Variants in HECW2 observed in about 807,000 individuals in gnomAD.
HECW2 encodes the protein HECT, C2 and WW domain containing E3 ubiquitin protein ligase 2, also known as E3 ubiquitin-protein ligase HECW2.
A neutral mutation model predicts 175.2 loss-of-function variants in HECW2; 61 were observed. That is an observed-to-expected ratio of 0.35 (90% CI 0.28 to 0.43). The LOEUF (loss-of-function observed/expected upper bound fraction) is 0.43, where lower values mean the gene tolerates loss of function less well. Among genes scored for constraint, HECW2 ranks in the 20% least tolerant of loss-of-function variants. The pLI is 1.00. For synonymous variants in HECW2, 671 were observed against 731.0 expected (o/e 0.92, Z 1.32); for missense variants, 1,524 against 2,000.5 (o/e 0.76, Z 4.54).
chr2:196,419,857 T>C (rs1695361824), intron 2 of HECW2, among the ~76,000 whole-genome samples: 2 of 152,150 alleles, frequency 1.3e-5, no homozygotes, highest in South Asian at 4.1e-4. Context: ...TACTGTCCCG[T>C]ACCCCCACTC....
chr2:196,394,767 A>T (rs534163084), intron 2 of HECW2, among the ~76,000 whole-genome samples: 7 of 152,232 alleles, frequency 4.6e-5, no homozygotes, highest in Non-Finnish European at 1.0e-4. Flanking sequence ...TCTTTTGAAC[A>T]AATAGTGCTG....
At chr2:196,529,133 A>G (rs771987581) in intron 1 of HECW2, among the ~76,000 whole-genome samples, 1 of 152,222 alleles carries the variant, frequency 6.6e-6, no homozygotes, top group Non-Finnish European at 1.5e-5. Flanking sequence ...ATTTAAGACA[A>G]AAGAATGTTC....
intron 10 of HECW2, among the ~76,000 whole-genome samples, chr2:196,315,614 A>T (rs1350119422): frequency 3.9e-5 from 6 of 152,184 alleles, no homozygotes; most frequent in African/African-American, 1.4e-4. Flanking sequence ...TACTTTTGCA[A>T]ATACATCAAC....
At chr2:196,312,745 T>C (rs1261017531) in intron 10 of HECW2, among the ~76,000 whole-genome samples, 1 of 152,240 alleles carries the variant, frequency 6.6e-6, no homozygotes, top group Non-Finnish European at 1.5e-5. Flanking sequence ...AGTCAAGTAG[T>C]TGCATATTTG....
chr2:196,229,596 CTT>C (rs1687975915), intron 21 of HECW2, among the ~76,000 whole-genome samples: 1 of 152,170 alleles, frequency 6.6e-6, no homozygotes, highest in African/African-American at 2.4e-5. Context: ...AGGAGCATCT[CTT>C]GAGCCCAAGA....
intron 1 of HECW2, among the ~76,000 whole-genome samples, chr2:196,511,975 G>T (rs1687966810): frequency 6.6e-6 from 1 of 152,204 alleles, no homozygotes; most frequent in African/African-American, 2.4e-5. Flanking sequence ...CCTCACTGAG[G>T]TCTGCTCACT....
At chr2:196,445,715 T>C (rs772575030) in intron 1 of HECW2, among the ~76,000 whole-genome samples, 2 of 152,218 alleles carry the variant, frequency 1.3e-5, no homozygotes, top group East Asian at 1.9e-4. Context: ...TAAAGAAAAG[T>C]CTAATGAGAA....
At chr2:196,345,449 G>A (rs958109931) in intron 2 of HECW2, among the ~76,000 whole-genome samples, 1 of 152,188 alleles carries the variant, frequency 6.6e-6, no homozygotes, top group Non-Finnish European at 1.5e-5. Flanking sequence ...AGTCTACTAG[G>A]TGGAACCCTA....
At chr2:196,591,657 A>T (rs939390095) in intron 1 of HECW2, among the ~76,000 whole-genome samples, 2 of 151,786 alleles carry the variant, frequency 1.3e-5, no homozygotes, top group Non-Finnish European at 2.9e-5. Flanking sequence ...CCCCACCTCT[A>T]ATAGTGAAGT....
chr2:196,547,722 C>T (rs1327160047), intron 1 of HECW2, among the ~76,000 whole-genome samples: 5 of 152,220 alleles, frequency 3.3e-5, no homozygotes, highest in Non-Finnish European at 7.3e-5. Context: ...AGGGCTTCCA[C>T]TTCTACTTCC....
intron 9 of HECW2, 106 bp downstream of exon 9, chr2:196,318,446 G>T: frequency 7.8e-7 from 1 of 1,275,712 alleles, no homozygotes; most frequent in Non-Finnish European, 1.0e-6. Flanking sequence ...GAGGAATTCA[G>T]GTCATATGTA....
intron 2 of HECW2, among the ~76,000 whole-genome samples, chr2:196,384,754 C>T (rs943053365): frequency 9.2e-5 from 14 of 152,124 alleles, no homozygotes; most frequent in Admixed American, 2.6e-4. Flanking sequence ...AAAACAGAAA[C>T]ACTAGGCTGC....
At chr2:196,299,602 T>C (rs1690955754) in intron 13 of HECW2, among the ~76,000 whole-genome samples, 1 of 152,098 alleles carries the variant, frequency 6.6e-6, no homozygotes, top group Admixed American at 6.6e-5. Flanking sequence ...ACCAAGAATA[T>C]GCATTTTATT....
intron 1 of HECW2, among the ~76,000 whole-genome samples, chr2:196,499,908 T>C (rs1481566039): frequency 1.3e-5 from 2 of 152,200 alleles, no homozygotes; most frequent in African/African-American, 2.4e-5. Context: ...GATTATGCTG[T>C]ATGACCTTTC....
At chr2:196,292,022 T>C (rs1224865882) in intron 14 of HECW2, 1 of 152,436 alleles carries the variant, frequency 6.6e-6, no homozygotes, top group East Asian at 1.9e-4. Flanking sequence ...TGGCCTGTGT[T>C]GCACAGTTAC....
chr2:196,433,256 C>T lies in HECW2; in HGVS notation c.168G>A (p.Glu56=), dbSNP rs2272405. 5,298 of 1,614,184 alleles carry T rather than the reference C, an allele frequency of 3.3e-3. 241 individuals are homozygous for T. In the East Asian group the frequency reaches 0.098, roughly 30 times the overall value. ...ANSDTDLVTS[E]SRSSLTASMY... Reference sequence around the variant, plus strand: ...TGCTGGCAGTTAAGCTGGAGCGGCTCTCAGAAGTCACCAGGTCGGTGTCGC... The same window carrying T: ...TGCTGGCAGTTAAGCTGGAGCGGCTTTCAGAAGTCACCAGGTCGGTGTCGC... The change falls in exon 2 of 29, where the codon GAG becomes GAA. Residue 56 remains glutamate, a synonymous_variant. Coordinates refer to ENST00000644978, the MANE Select transcript of HECW2 (RefSeq NM_001348768.2).
Position 196,243,798 on chromosome 2 carries a change from C to T in HECW2, c.3530-1594G>A, listed in dbSNP as rs555065128. On this transcript the variant is annotated intron_variant, in intron 19 of 28. Coordinates refer to ENST00000644978, the MANE Select transcript of HECW2 (RefSeq NM_001348768.2). ...TTCTCCATGTTGGTCAGGCTGGTCT[C>T]GAACTCCTGACCTCAGGTGATCCGC... Among the ~76,000 whole-genome samples the T allele has an allele frequency of 5.1e-4, 78 of 151,926 alleles. 1 individual carries two copies. Among genetic ancestry groups the T allele is most frequent in the Middle Eastern group, 3.4e-3 (1 of 292 alleles).
chr2:196,572,782 T>C (rs1454731485), intron 1 of HECW2, among the ~76,000 whole-genome samples: 1 of 152,092 alleles, frequency 6.6e-6, no homozygotes, highest in Non-Finnish European at 1.5e-5. Context: ...AGCTCCCTTT[T>C]TGCCATGTGT....
At chr2:196,256,440 A>T (rs1429027467) in intron 18 of HECW2, among the ~76,000 whole-genome samples, 1 of 152,202 alleles carries the variant, frequency 6.6e-6, no homozygotes, top group African/African-American at 2.4e-5. Context: ...ATAGAAACTC[A>T]TGCAAACTGT....
Sources: gnomAD v4.1 joint callset for allele counts (sites outside exome capture counted in the v4.1 genomes callset) on GRCh38, gnomAD v4.1.1 for gene constraint, MANE v1.5 for transcripts, NCBI Gene and HGNC (gene_info 2026-07-23, HGNC 2026-07-21) for gene names.